The following DCHS2 variants were observed in gnomAD, a reference collection of about 807,000 sequenced individuals.
DCHS2 encodes the protein protocadherin-23.
A neutral mutation model predicts 182.4 loss-of-function variants in DCHS2; 142 were observed. The ratio of observed to expected loss-of-function variants is 0.78; its 90% CI spans 0.68 to 0.89. DCHS2 has a LOEUF of 0.89. Ranked by LOEUF, DCHS2 falls within the 40% of genes least tolerant of loss-of-function variation. DCHS2 has a pLI of 0.00. For synonymous variants in DCHS2, 1,740 were observed against 1,663.3 expected (o/e 1.05, Z -1.12); for missense variants, 4,319 against 4,198.6 (o/e 1.03, Z -0.79).
chr4:154,252,187 G>A (rs1732400979), intron 16 of DCHS2, among the ~76,000 whole-genome samples: 1 of 151,838 alleles, frequency 6.6e-6, no homozygotes, highest in Non-Finnish European at 1.5e-5. Context: ...TAATTTTTGT[G>A]GGTACATAGT....
chr4:154,278,951 C>T (rs1733996661), intron 13 of DCHS2, among the ~76,000 whole-genome samples: 2 of 152,076 alleles, frequency 1.3e-5, no homozygotes, highest in East Asian at 1.9e-4. Flanking sequence ...ATATACAGCA[C>T]TTGTAAAGGT....
intron 1 of DCHS2, among the ~76,000 whole-genome samples, chr4:154,463,145 G>A (rs1418241323): frequency 2.6e-5 from 3 of 117,094 alleles, no homozygotes; most frequent in Non-Finnish European, 5.3e-5. Context: ...ATACTTATGT[G>A]TATATATATA....
At chr4:154,321,246 T>C (rs978697097) in intron 8 of DCHS2, 24 bp from the exon 9 acceptor site, 34 of 1,457,494 alleles carry the variant, frequency 2.3e-5, no homozygotes, top group Non-Finnish European at 2.5e-5. Context: ...AAAAGAGATA[T>C]TAATTTGGGG....
chr4:154,374,816 C>G (rs960831356), intron 2 of DCHS2, among the ~76,000 whole-genome samples: 17 of 152,108 alleles, frequency 1.1e-4, no homozygotes, highest in African/African-American at 3.9e-4. Flanking sequence ...CAAGGAAGGT[C>G]TTCAAAATGT....
Position 154,304,664 on chromosome 4 carries a change from CTT to C in DCHS2, c.5605+3_5605+4del. The stretch of plus-strand genomic sequence containing the variant: ...ACAAACAAACAAACAAACAAACAAA[CTT>C]ACCAATTATGTGATATTCAACAGCT... On this transcript the variant is annotated splice_donor_region_variant and intron_variant, in intron 12 of 19. Transcript: ENST00000357232. 1 of 1,538,214 alleles carries C rather than the reference CTT, an allele frequency of 6.5e-7. No individual in the cohort carries two copies. Among genetic ancestry groups the C allele is most frequent in the Non-Finnish European group, 8.9e-7 (1 of 1,127,648 alleles).
chr4:154,357,105 A>G, intron 3 of DCHS2: 1 of 662,406 alleles, frequency 1.5e-6, no homozygotes, highest in African/African-American at 1.8e-5. Context: ...TCTAACATCA[A>G]CGAACCTTTG....
intron 3 of DCHS2, among the ~76,000 whole-genome samples, chr4:154,348,350 AC>A (rs1423142057): frequency 6.6e-6 from 1 of 152,004 alleles, no homozygotes; most frequent in African/African-American, 2.4e-5. Flanking sequence ...AGTGGTCCTC[AC>A]AGTTGCGGGA....
intron 1 of DCHS2, among the ~76,000 whole-genome samples, chr4:154,480,864 A>G (rs894398514): frequency 1.3e-5 from 2 of 152,092 alleles, no homozygotes; most frequent in Admixed American, 1.3e-4. Flanking sequence ...CCTGGCCTCA[A>G]GCACTCACCA....
chr4:154,373,701 C>T (rs1475740701), intron 2 of DCHS2, among the ~76,000 whole-genome samples: 1 of 152,158 alleles, frequency 6.6e-6, no homozygotes, highest in African/African-American at 2.4e-5. Flanking sequence ...AGGGGCCCTG[C>T]TTCCAAGAGG....
intron 14 of DCHS2, among the ~76,000 whole-genome samples, chr4:154,262,924 A>G (rs1397432819): frequency 6.6e-6 from 1 of 152,218 alleles, no homozygotes; most frequent in Non-Finnish European, 1.5e-5. Flanking sequence ...TGAGAAATAC[A>G]TGTTTTTACA....
chr4:154,400,615 C>T lies in DCHS2; in HGVS notation c.2053-23171G>A, dbSNP rs114361793. On this transcript the variant is annotated intron_variant, in intron 1 of 19. Transcript: ENST00000357232. ...CTGAACACCAAAAAGAAGAATGCGG[C>T]TCTTCACTTCGGGTTTTCTTGAAGG... Among the ~76,000 whole-genome samples, 1,189 of 152,254 alleles carry T rather than the reference C, an allele frequency of 7.8e-3. 13 individuals carry two copies. The highest frequency in any genetic ancestry group is 0.026 in the African/African-American group (1,076 of 41,546).
chr4:154,490,658 G>C lies in DCHS2; in HGVS notation c.698C>G (p.Ser233Ter). Reference sequence around the variant, plus strand: ...TGACGAGGAGCCTGGCAAAAGCGGTGACGGTAGTGGCCCCGGAGTCCGGTA... The same window carrying C: ...TGACGAGGAGCCTGGCAAAAGCGGTCACGGTAGTGGCCCCGGAGTCCGGTA... ...LRYRTPGPLP[S>*]PLLPGSSSPL... The change falls in exon 1 of 20, where the codon TCA becomes TGA. Residue 233 changes from serine (S) to a stop codon, truncating the protein, a stop_gained. Coordinates refer to ENST00000357232, the MANE Select transcript of DCHS2 (RefSeq NM_001358235.2). LOFTEE classifies it high-confidence loss of function. 1 of 1,551,500 alleles carries C rather than the reference G, an allele frequency of 6.4e-7. No individual in the cohort carries two copies. Among genetic ancestry groups the C allele is most frequent in the Non-Finnish European group, 8.7e-7 (1 of 1,146,912 alleles).
intron 1 of DCHS2, among the ~76,000 whole-genome samples, chr4:154,434,605 GT>G (rs966809826): frequency 1.7e-4 from 26 of 151,786 alleles, no homozygotes; most frequent in Non-Finnish European, 2.5e-4. Flanking sequence ...GTACATGAGT[GT>G]TTTTTTTATT....
chr4:154,362,659 C>A (rs1730177738), intron 3 of DCHS2, among the ~76,000 whole-genome samples: 1 of 152,100 alleles, frequency 6.6e-6, no homozygotes, highest in Non-Finnish European at 1.5e-5. Context: ...ATAACAGTTA[C>A]AAGTATGCCT....
At chr4:154,336,916 T>C (rs1319977617) in intron 3 of DCHS2, among the ~76,000 whole-genome samples, 3 of 152,290 alleles carry the variant, frequency 2.0e-5, no homozygotes, top group Middle Eastern at 3.4e-3. Context: ...ATAACCAAAG[T>C]GAACAAACTT....
chr4:154,370,434 G>A (rs144047535), intron 2 of DCHS2, among the ~76,000 whole-genome samples: 90 of 152,134 alleles, frequency 5.9e-4, no homozygotes, highest in African/African-American at 2.0e-3. Context: ...TTCTGAAAAG[G>A]TACATGACAT....
At chr4:154,411,975 T>C (rs1163165216) in intron 1 of DCHS2, among the ~76,000 whole-genome samples, 1 of 152,254 alleles carries the variant, frequency 6.6e-6, no homozygotes, top group African/African-American at 2.4e-5. Flanking sequence ...TTTTATAATG[T>C]AATGTTTATG....
intron 16 of DCHS2, among the ~76,000 whole-genome samples, chr4:154,248,143 TGGGCACTCA>T (rs1732175860): frequency 1.3e-5 from 2 of 152,190 alleles, no homozygotes; most frequent in South Asian, 4.1e-4. Context: ...TATAGCCAAT[TGGGCACTCA>T]GGAAAGAAAC....
intron 10 of DCHS2, among the ~76,000 whole-genome samples, chr4:154,313,615 T>G (rs1334111359): frequency 6.6e-6 from 1 of 152,110 alleles, no homozygotes; most frequent in African/African-American, 2.4e-5. Flanking sequence ...TTTCATTGTT[T>G]TAACCCAATA....
Sources: gnomAD v4.1 joint callset for allele counts (sites outside exome capture counted in the v4.1 genomes callset) on GRCh38, gnomAD v4.1.1 for gene constraint, MANE v1.5 for transcripts, NCBI Gene and HGNC (gene_info 2026-07-23, HGNC 2026-07-21) for gene names.